Variants in PHF14 observed in about 807,000 individuals in gnomAD.
PHF14 encodes PHD finger protein 14.
Under a neutral mutation model 117.9 loss-of-function variants are expected in PHF14, and 55 were observed. That is an observed-to-expected ratio of 0.47 (90% CI 0.38 to 0.58). PHF14 has a LOEUF of 0.58. Among genes scored for constraint, PHF14 ranks in the 20% least tolerant of loss-of-function variants. The pLI, the probability that PHF14 is intolerant of heterozygous loss-of-function variation, is 0.00. For synonymous variants in PHF14, 409 were observed against 368.6 expected (o/e 1.11, Z -1.26); for missense variants, 978 against 1,122.2 (o/e 0.87, Z 1.84).
rs1463196347 is a variant in PHF14 at position 10,979,085 on chromosome 7, G to A, written c.113-3287G>A. On this transcript the variant is annotated intron_variant, in intron 2 of 17. Coordinates refer to ENST00000634607, the MANE Select transcript of PHF14 (RefSeq NM_001007157.2). ...TGAAATTGATGAACAAATTTATATTGCATATATTGTATATTAGCATAAAAC... is the reference window on the plus strand; with the variant it reads ...TGAAATTGATGAACAAATTTATATTACATATATTGTATATTAGCATAAAAC... Among the ~76,000 whole-genome samples the A allele has an allele frequency of 3.3e-5, 5 of 152,164 alleles. No individual in the cohort carries two copies. The South Asian group carries it at 8.3e-4, about 25-fold the overall frequency.
chr7:11,021,401 G>C (rs1057384790), intron 5 of PHF14, among the ~76,000 whole-genome samples: 3 of 152,148 alleles, frequency 2.0e-5, no homozygotes, highest in African/African-American at 7.2e-5. Context: ...AGGGACCATA[G>C]TTGTCTCGGC....
At chr7:11,134,975 A>G (rs1349963065) in intron 17 of PHF14, among the ~76,000 whole-genome samples, 5 of 152,120 alleles carry the variant, frequency 3.3e-5, no homozygotes, top group Admixed American at 6.6e-5. Context: ...TCCTCTGGCA[A>G]TGAAACCCAC....
chr7:10,982,842 G>C lies in PHF14; in HGVS notation c.583G>C (p.Val195Leu). The change falls in exon 3 of 18, where the codon GTG becomes CTG. Residue 195 changes from valine to leucine, a missense_variant. Physicochemically the swap from Val to Leu is conservative, Grantham distance 32. Transcript: ENST00000634607. ...LRRNRPLLDF[V>L]SMEELNDMDD... is the part of the protein sequence containing the mutation. ...ACGAAACCGACCACTTCTGGATTTT[G>C]TGTCCATGGAAGAGCTGAATGACAT... The C allele has an allele frequency of 6.2e-7, 1 of 1,613,890 alleles. No individual in the cohort carries two copies.
In PHF14 at chr7:11,059,656, C is replaced by A. The variant is rs112162816; in HGVS notation, c.2482-2135C>A. Among the ~76,000 whole-genome samples the A allele has an allele frequency of 5.8e-3, 877 of 152,084 alleles. 5 individuals are homozygous for A. Among genetic ancestry groups the A allele is most frequent in the Non-Finnish European group, 8.7e-3 (590 of 67,984 alleles). On this transcript the variant is annotated intron_variant, in intron 14 of 17. Coordinates refer to ENST00000634607, the MANE Select transcript of PHF14 (RefSeq NM_001007157.2). ...AGGTGTGGTGGTGCACACCTGTAAA[C>A]CCAGCTACTTGCAAGGCTGAGGTGT...
chr7:11,032,439 T>G (rs925745517), intron 7 of PHF14, among the ~76,000 whole-genome samples: 10 of 152,098 alleles, frequency 6.6e-5, no homozygotes, highest in Non-Finnish European at 1.0e-4. Context: ...AAGTTGTGTC[T>G]TCTTTCAGTT....
intron 4 of PHF14, chr7:11,006,973 G>C (rs1583356769): frequency 2.4e-6 from 1 of 408,562 alleles, no homozygotes; most frequent in African/African-American, 2.1e-5. Flanking sequence ...TCAGGAGTTT[G>C]ATACCAGCCT....
intron 10 of PHF14, 24 bp from the exon 11 acceptor site, chr7:11,038,736 T>A (rs759326593): frequency 1.0e-6 from 1 of 984,726 alleles, no homozygotes; most frequent in African/African-American, 1.6e-5. Flanking sequence ...TTAATGAAGT[T>A]TACTAATTTG....
chr7:11,121,373 TTAAG>T (rs1176076509), intron 17 of PHF14, among the ~76,000 whole-genome samples: 4 of 152,312 alleles, frequency 2.6e-5, no homozygotes, highest in South Asian at 2.1e-4. Flanking sequence ...AACCTTACAC[TTAAG>T]TAAGGAAATG....
chr7:11,018,708 C>T (rs1194708274), intron 5 of PHF14, among the ~76,000 whole-genome samples: 1 of 152,130 alleles, frequency 6.6e-6, no homozygotes, highest in Non-Finnish European at 1.5e-5. Flanking sequence ...TGACTTCTTT[C>T]TTTCCAATTT....
intron 4 of PHF14, among the ~76,000 whole-genome samples, chr7:10,998,738 C>T (rs916979252): frequency 6.6e-6 from 1 of 152,106 alleles, no homozygotes; most frequent in Non-Finnish European, 1.5e-5. Context: ...TGCTTATATC[C>T]ATGAATGTCA....
At chr7:11,089,010 C>T (rs186255898) in intron 16 of PHF14, among the ~76,000 whole-genome samples, 1 of 151,784 alleles carries the variant, frequency 6.6e-6, no homozygotes, top group Non-Finnish European at 1.5e-5. Context: ...TCTTCAACAC[C>T]ATTTTAAGGA....
At chr7:11,102,913 G>A (rs145320424) in intron 16 of PHF14, 6 of 1,064,006 alleles carry the variant, frequency 5.6e-6, no homozygotes, top group Non-Finnish European at 6.8e-6. Flanking sequence ...ACTTACTGAA[G>A]AGTTACTGAA....
chr7:11,091,890 C>T lies in PHF14; in HGVS notation c.2655-19460C>T, dbSNP rs758883429. On this transcript the variant is annotated intron_variant, in intron 16 of 17. Transcript: ENST00000634607. ...GACCTTTGCTTTAAGTAAATGACTG[C>T]GTCTTTCAGTGGATATTGAAGGTAC... Among the ~76,000 whole-genome samples the T allele has an allele frequency of 3.9e-5, 6 of 152,110 alleles. 1 individual carries two copies. The highest frequency in any genetic ancestry group is 3.9e-4 in the Admixed American group (6 of 15,274).
At chr7:11,021,336 T>C (rs78039124) in intron 5 of PHF14, among the ~76,000 whole-genome samples, 5,088 of 152,308 alleles carry the variant, frequency 0.033, 127 homozygotes, top group Non-Finnish European at 0.053. Flanking sequence ...TACAAAGTTA[T>C]AAATAATGTG....
intron 4 of PHF14, among the ~76,000 whole-genome samples, chr7:11,008,264 T>C (rs990963030): frequency 6.6e-6 from 1 of 152,214 alleles, no homozygotes; most frequent in Non-Finnish European, 1.5e-5. Flanking sequence ...CAAAAAGATA[T>C]CCTTAGGAGT....
At chr7:11,137,556 A>G (rs1039279289) in intron 17 of PHF14, among the ~76,000 whole-genome samples, 1 of 151,352 alleles carries the variant, frequency 6.6e-6, no homozygotes, top group East Asian at 1.9e-4. Flanking sequence ...CTAAAGTTAA[A>G]CATTAATCAC....
In PHF14 at chr7:10,974,224, C is replaced by A. The variant is rs1562555996; in HGVS notation, c.-100C>A. On this transcript the variant is annotated 5_prime_UTR_variant, in exon 1 of 18. Coordinates refer to ENST00000634607, the MANE Select transcript of PHF14 (RefSeq NM_001007157.2). ...CGCGCCGGTTTTAAATAGCATCTTTCGGACTTGTCTTCGCGGCCCCAGTCC... is the reference window on the plus strand; with the variant it reads ...CGCGCCGGTTTTAAATAGCATCTTTAGGACTTGTCTTCGCGGCCCCAGTCC... 1 of 1,026,104 alleles carries A rather than the reference C, an allele frequency of 9.7e-7. No homozygotes were observed. The highest frequency in any genetic ancestry group is 1.4e-5 in the South Asian group (1 of 73,764). 63.6% of individuals were successfully genotyped at this position (1,026,104 alleles called of 1,614,324 possible).
intron 16 of PHF14, among the ~76,000 whole-genome samples, chr7:11,110,755 G>T (rs184480652): frequency 6.6e-6 from 1 of 151,930 alleles, no homozygotes; most frequent in Non-Finnish European, 1.5e-5. Context: ...ACATGTAAAG[G>T]TTATTTTTAT....
At chr7:11,056,985 C>T (rs554699343) in intron 14 of PHF14, among the ~76,000 whole-genome samples, 1 of 151,890 alleles carries the variant, frequency 6.6e-6, no homozygotes, top group Admixed American at 6.6e-5. Context: ...TGGAATTTTG[C>T]CCATGAATAA....
Sources: allele counts gnomAD v4.1 joint callset (sites outside exome capture counted in the v4.1 genomes callset), GRCh38; gene constraint gnomAD v4.1.1; transcripts MANE v1.5; gene names NCBI Gene and HGNC (gene_info 2026-07-23, HGNC 2026-07-21).